Variants in WARS2 observed in about 807,000 individuals in gnomAD.
WARS2 encodes the protein tryptophan--tRNA ligase, mitochondrial.
In WARS2, 28 loss-of-function variants were observed where a neutral mutation model predicts 36.5. The ratio of observed to expected loss-of-function variants is 0.77; its 90% CI spans 0.57 to 1.05. The LOEUF (loss-of-function observed/expected upper bound fraction) is 1.05, where lower values mean the gene tolerates loss of function less well. Among genes scored for constraint, WARS2 ranks in the 50% least tolerant of loss-of-function variants. The pLI, the probability that WARS2 is intolerant of heterozygous loss-of-function variation, is 0.00. For missense variants in WARS2, 435 were observed against 456.8 expected, an observed-to-expected ratio of 0.95 and a Z score of 0.44; for synonymous variants, 174 against 178.4, an observed-to-expected ratio of 0.98 and a Z score of 0.20.
At chr1:119,081,698 TGTTA>T (rs1206378399) in intron 1 of WARS2, among the ~76,000 whole-genome samples, 3 of 152,248 alleles carry the variant, frequency 2.0e-5, no homozygotes, top group African/African-American at 7.2e-5. Flanking sequence ...TCCTTAGCTC[TGTTA>T]GTGTTTCTCA....
At chr1:119,049,822 T>G (rs1378435522) in intron 2 of WARS2, among the ~76,000 whole-genome samples, 2 of 152,138 alleles carry the variant, frequency 1.3e-5, no homozygotes, top group Non-Finnish European at 2.9e-5. Context: ...GTCTCACCAC[T>G]TTTCACCACA....
intron 1 of WARS2, among the ~76,000 whole-genome samples, chr1:119,135,755 G>GAT (rs1557763939): frequency 6.2e-5 from 8 of 128,236 alleles, no homozygotes; most frequent in Non-Finnish European, 1.0e-4. Flanking sequence ...GATAGATAGA[G>GAT]AGATAGAGAG....
At chr1:119,092,182 C>T (rs1321793995) in intron 1 of WARS2, among the ~76,000 whole-genome samples, 1 of 152,180 alleles carries the variant, frequency 6.6e-6, no homozygotes, top group East Asian at 1.9e-4. Context: ...CTTTCTCTGA[C>T]TGACCAAAAC....
chr1:119,047,984 T>C (rs1461418215), intron 2 of WARS2, among the ~76,000 whole-genome samples: 1 of 152,224 alleles, frequency 6.6e-6, no homozygotes, highest in East Asian at 1.9e-4. Flanking sequence ...CTTGGTACAT[T>C]GCATGTCCTG....
intron 2 of WARS2, among the ~76,000 whole-genome samples, chr1:119,049,136 G>T (rs190694765): frequency 6.6e-6 from 1 of 152,198 alleles, no homozygotes; most frequent in East Asian, 1.9e-4. Flanking sequence ...CAGACACACA[G>T]GCGGCTGGAC....
chr1:119,098,662 C>A (rs1370923874), intron 1 of WARS2, among the ~76,000 whole-genome samples: 1 of 152,142 alleles, frequency 6.6e-6, no homozygotes, highest in Non-Finnish European at 1.5e-5. Flanking sequence ...TAGTCTCGAA[C>A]TCCTGACCTC....
chr1:119,088,652 T>C lies in WARS2; in HGVS notation c.91-12045A>G, dbSNP rs180942784. Among the ~76,000 whole-genome samples the C allele has an allele frequency of 3.4e-3, 525 of 152,286 alleles. 4 individuals carry two copies. Among genetic ancestry groups the C allele is most frequent in the South Asian group, 0.03 (147 of 4,828 alleles). Reference sequence around the variant, plus strand: ...AGATTATGACGCTGTGGTCGTAGCCTCTATGCTGGTGAGAGAAGACATCTA... The same window carrying C: ...AGATTATGACGCTGTGGTCGTAGCCCCTATGCTGGTGAGAGAAGACATCTA... On this transcript the variant is annotated intron_variant, in intron 1 of 5. Transcript: ENST00000235521.
intron 1 of WARS2, among the ~76,000 whole-genome samples, chr1:119,099,961 T>C (rs931173032): frequency 1.3e-5 from 2 of 152,184 alleles, no homozygotes; most frequent in Non-Finnish European, 2.9e-5. Flanking sequence ...AGGACCTAAT[T>C]AAACTTCAAA....
At chr1:119,072,330 T>C (rs1404515498) in intron 2 of WARS2, among the ~76,000 whole-genome samples, 2 of 152,162 alleles carry the variant, frequency 1.3e-5, no homozygotes, top group East Asian at 3.9e-4. Flanking sequence ...TTAATGAAAA[T>C]GGTGATGAGC....
chr1:119,113,029 T>C (rs1273984998), intron 1 of WARS2, among the ~76,000 whole-genome samples: 2 of 152,142 alleles, frequency 1.3e-5, no homozygotes, highest in East Asian at 1.9e-4. Flanking sequence ...CATGATGAGG[T>C]TGAAACATAG....
chr1:119,040,794 G>A (rs1385911335), intron 4 of WARS2, among the ~76,000 whole-genome samples: 1 of 152,166 alleles, frequency 6.6e-6, no homozygotes, highest in Non-Finnish European at 1.5e-5. Context: ...TTTTACAGGT[G>A]AGAAAGTCAA....
intron 1 of WARS2, among the ~76,000 whole-genome samples, chr1:119,079,655 G>A (rs1652039515): frequency 6.6e-6 from 1 of 152,064 alleles, no homozygotes; most frequent in Admixed American, 6.6e-5. Context: ...ACTTAAATTT[G>A]GCACTTCCTT....
chr1:119,135,747 TAGATAGAGAGATAGAG>T (rs1553183285), intron 1 of WARS2, among the ~76,000 whole-genome samples: 1 of 115,826 alleles, frequency 8.6e-6, no homozygotes, highest in Non-Finnish European at 1.9e-5. Context: ...GATAGATAGA[TAGATAGAGAGATAGAG>T]AGAGAGAGAG....
intron 4 of WARS2, among the ~76,000 whole-genome samples, chr1:119,041,237 CTTCTTTT>C (rs1557935189): frequency 6.6e-6 from 1 of 152,174 alleles, no homozygotes; most frequent in Non-Finnish European, 1.5e-5. Flanking sequence ...GGTGCAGTGT[CTTCTTTT>C]CCCAGAAGCT....
At chr1:119,042,864 AAAGT>A (rs1380039651) in intron 3 of WARS2, among the ~76,000 whole-genome samples, 5 of 152,334 alleles carry the variant, frequency 3.3e-5, no homozygotes, top group Admixed American at 6.5e-5. Flanking sequence ...TTAAAAAATA[AAAGT>A]AAGTGAGAGA....
intron 1 of WARS2, among the ~76,000 whole-genome samples, chr1:119,084,548 T>C (rs1187922292): frequency 6.6e-6 from 1 of 152,148 alleles, no homozygotes; most frequent in African/African-American, 2.4e-5. Flanking sequence ...ACATTAAACA[T>C]TTTTTTAAAC....
At chr1:119,128,298 A>C (rs1442097335) in intron 1 of WARS2, among the ~76,000 whole-genome samples, 1 of 151,358 alleles carries the variant, frequency 6.6e-6, no homozygotes, top group Non-Finnish European at 1.5e-5. Context: ...CTTGTCTCAA[A>C]CTCCTCAGGT....
chr1:119,108,257 C>T (rs1044056312), intron 1 of WARS2, among the ~76,000 whole-genome samples: 8 of 152,070 alleles, frequency 5.3e-5, no homozygotes, highest in East Asian at 1.9e-4. Flanking sequence ...TACAGAGAAT[C>T]GGTACAATTT....
In WARS2 at chr1:119,032,595, C is replaced by A; in HGVS notation, c.*316G>T. ...ACTCCAGAGAGAAGCACAAATGATA[C>A]TCCATTTCCCAAATTACTCCTTACT... On this transcript the variant is annotated 3_prime_UTR_variant, in exon 6 of 6. Transcript: ENST00000235521. 2.9e-6 allele frequency: 1 copy of A among 342,544 alleles called. No individual in the cohort carries two copies. Among genetic ancestry groups the A allele is most frequent in the Admixed American group, 4.6e-5 (1 of 21,720 alleles). The allele number at this position is 342,544 out of a possible 1,614,324, so 21.2% of individuals were successfully genotyped here.
Sources: gnomAD v4.1 joint callset for allele counts (sites outside exome capture counted in the v4.1 genomes callset) on GRCh38, gnomAD v4.1.1 for gene constraint, MANE v1.5 for transcripts, NCBI Gene and HGNC (gene_info 2026-07-23, HGNC 2026-07-21) for gene names.